TTR: variants seen among roughly 807,000 people sequenced by gnomAD.
TTR encodes the protein epididymis luminal protein 111.
TTR carries 8 observed loss-of-function variants against 13.7 expected under a neutral mutation model. The observed-to-expected ratio is 0.58, with a 90% confidence interval of 0.34 to 1.05. TTR has a LOEUF of 1.05. Among genes scored for constraint, TTR ranks in the 50% least tolerant of loss-of-function variants. The pLI, the probability that TTR is intolerant of heterozygous loss-of-function variation, is 0.02. For missense variants in TTR, 135 were observed against 185.5 expected (o/e 0.73, Z 1.58); for synonymous variants, 75 against 71.7 (o/e 1.05, Z -0.23).
At position 31,598,655 on chromosome 18, in the gene TTR, G is replaced by A. The variant is rs76992529; in HGVS notation, c.424G>A (p.Val142Ile). ...SPYSYSTTAV[V>I]TNPKE ...CTACTCCTATTCCACCACGGCTGTC[G>A]TCACCAATCCCAAGGAATGAGGGAC... Residue 142 changes from valine to isoleucine, a missense_variant, in exon 4 of 4, where the codon GTC (valine) becomes ATC (isoleucine). By Grantham distance (29) the Val-to-Ile change is conservative. Coordinates refer to ENST00000237014, the MANE Select transcript of TTR (RefSeq NM_000371.4). The A allele has an allele frequency of 8.9e-4, 1,433 of 1,614,082 alleles. 8 individuals carry two copies. The African/African-American group carries it at 0.017, about 19-fold the overall frequency.
chr18:31,591,885 C>G lies in TTR; in HGVS notation c.-18C>G. On this transcript the variant is annotated 5_prime_UTR_variant, in exon 1 of 4. Transcript: ENST00000237014. ...GGCTGGGAGCAGCCATCACAGAAGTCCACTCATTCTTGGCAGGATGGCTTC... is the reference window on the plus strand; with the variant it reads ...GGCTGGGAGCAGCCATCACAGAAGTGCACTCATTCTTGGCAGGATGGCTTC... 1 of 1,613,928 alleles carries G rather than the reference C, an allele frequency of 6.2e-7. No homozygotes were observed. Among genetic ancestry groups the G allele is most frequent in the South Asian group, 1.1e-5 (1 of 91,070 alleles).
At chr18:31,592,012 CA>C in intron 1 of TTR, 41 bp downstream of exon 1, 1 of 1,605,204 alleles carries the variant, frequency 6.2e-7, no homozygotes, top group Non-Finnish European at 8.5e-7. Flanking sequence ...ATTTAAGATT[CA>C]CGCTAAATGA....
Position 31,595,051 on chromosome 18 carries a change from G to A in TTR, c.201-69G>A, listed in dbSNP as rs2073509695. 27 of 1,531,578 alleles carry A rather than the reference G, an allele frequency of 1.8e-5. No individual in the cohort carries two copies. In the South Asian group the frequency reaches 2.7e-4, roughly 16 times the overall value. 94.9% of individuals were successfully genotyped at this position (1,531,578 alleles called of 1,614,324 possible). ...ATGTTTATGTGTGTTAGTTGGTGGG[G>A]GTGTATTACTTTGCCATGCCATTTG... On this transcript the variant is annotated intron_variant, in intron 2 of 3. Coordinates refer to ENST00000237014, the MANE Select transcript of TTR (RefSeq NM_000371.4).
chr18:31,595,441 C>T (rs1388513333), intron 3 of TTR, 186 bp downstream of exon 3: 5 of 808,920 alleles, frequency 6.2e-6, no homozygotes, highest in Non-Finnish European at 1.0e-5. Flanking sequence ...TTCTTTTTGA[C>T]TTTGATGAAA....
intron 3 of TTR, chr18:31,595,661 G>A (rs931605278): frequency 2.2e-5 from 8 of 362,788 alleles, no homozygotes; most frequent in South Asian, 8.6e-5. Context: ...CTGGCTTCTC[G>A]GAGGTCTGGA....
intron 3 of TTR, chr18:31,595,649 A>T (rs558979984): frequency 5.6e-6 from 2 of 358,226 alleles, no homozygotes; most frequent in South Asian, 4.4e-5. Context: ...TCCAAAACAC[A>T]TCTGGCTTCT....
At chr18:31,594,999 G>A (rs2073509242) in intron 2 of TTR, 121 bp from the exon 3 acceptor site, 3 of 1,144,100 alleles carry the variant, frequency 2.6e-6, no homozygotes, top group Non-Finnish European at 3.8e-6. Flanking sequence ...CTTAGTTGAG[G>A]GGAAATGTTC....
At position 31,598,592 on chromosome 18, in the gene TTR, G is replaced by A. The variant is rs755337715; in HGVS notation, c.361G>A (p.Gly121Ser). 17 of 1,613,860 alleles carry A rather than the reference G, an allele frequency of 1.1e-5. No individual in the cohort carries two copies. The highest frequency in any genetic ancestry group is 1.0e-4 in the Admixed American group (6 of 60,000). The change falls in exon 4 of 4, where the codon GGC (glycine) becomes AGC (serine). Residue 121 changes from glycine to serine, a missense_variant. By Grantham distance (56) the Gly-to-Ser change is moderately conservative. Transcript: ENST00000237014. ...AEVVFTANDS[G>S]PRRYTIAALL... The stretch of plus-strand genomic sequence containing the variant: ...GGTGGTATTCACAGCCAACGACTCC[G>A]GCCCCCGCCGCTACACCATTGCCGC...
intron 3 of TTR, 156 bp downstream of exon 3, chr18:31,595,411 C>G (rs2073512290): frequency 9.5e-7 from 1 of 1,055,626 alleles, no homozygotes; most frequent in African/African-American, 1.6e-5. Flanking sequence ...AAAAAATTCA[C>G]AACACTCTGA....
At chr18:31,595,385 T>C in intron 3 of TTR, 130 bp downstream of exon 3, 1 of 1,300,668 alleles carries the variant, frequency 7.7e-7, no homozygotes, top group Admixed American at 1.9e-5. Flanking sequence ...AAAGGTTCCC[T>C]TTCCTATTAT....
chr18:31,594,325 G>A (rs187348233), intron 2 of TTR, among the ~76,000 whole-genome samples: 4 of 152,318 alleles, frequency 2.6e-5, no homozygotes, highest in Non-Finnish European at 5.9e-5. Context: ...CTGGCAAAGA[G>A]TTATCAGAGA....
At chr18:31,598,480 C>A in intron 3 of TTR, 88 bp from the exon 4 acceptor site, 1 of 1,228,340 alleles carries the variant, frequency 8.1e-7, no homozygotes, top group Non-Finnish European at 1.2e-6. Context: ...ATTAAGTTGG[C>A]ACTGGACTTC....
intron 3 of TTR, among the ~76,000 whole-genome samples, chr18:31,596,515 GC>G (rs1188619376): frequency 2.6e-5 from 4 of 152,074 alleles, no homozygotes; most frequent in Non-Finnish European, 5.9e-5. Flanking sequence ...TAATAGATCT[GC>G]CTACCTGAGA....
chr18:31,595,303 T>C lies in TTR; in HGVS notation c.336+48T>C, dbSNP rs1314977994. 2.5e-6 allele frequency: 4 copies of C among 1,613,392 alleles called. No individual in the cohort carries two copies. The South Asian group carries it at 3.3e-5, about 13-fold the overall frequency. On this transcript the variant is annotated intron_variant, in intron 3 of 3. Transcript: ENST00000237014. ...GTTGTTTTGGTTTTGGTTTTTGCTT[T>C]TGGCATTCCAGGAAATGCACAGTTT...
intron 2 of TTR, among the ~76,000 whole-genome samples, chr18:31,594,912 T>C (rs746625468): frequency 1.3e-5 from 2 of 151,948 alleles, no homozygotes; most frequent in African/African-American, 4.8e-5. Context: ...GAGAAAAAAA[T>C]CTACAGTGAG....
chr18:31,595,986 G>C, intron 3 of TTR: 1 of 157,286 alleles, frequency 6.4e-6, no homozygotes, highest in South Asian at 1.9e-4. Flanking sequence ...GCTATGCCTC[G>C]CATTATGCCC....
At chr18:31,594,316 T>C (rs2073504440) in intron 2 of TTR, among the ~76,000 whole-genome samples, 1 of 152,224 alleles carries the variant, frequency 6.6e-6, no homozygotes, top group Non-Finnish European at 1.5e-5. Context: ...TGTTTGTTGC[T>C]GGCAAAGAGT....
intron 3 of TTR, among the ~76,000 whole-genome samples, chr18:31,596,770 G>A (rs2073518892): frequency 6.6e-6 from 1 of 152,150 alleles, no homozygotes; most frequent in South Asian, 2.1e-4. Flanking sequence ...GGAAGGGAAA[G>A]GACTGAAGTA....
Position 31,595,391 on chromosome 18 carries a change from A to G in TTR, c.336+136A>G, listed in dbSNP as rs146918944. 54 of 1,251,002 alleles carry G rather than the reference A, an allele frequency of 4.3e-5. No individual in the cohort carries two copies. The African/African-American group carries it at 7.6e-4, about 18-fold the overall frequency. The allele number at this position is 1,251,002 out of a possible 1,614,324, so 77.5% of individuals were successfully genotyped here. ...TGAATGACCAAAGGTTCCCTTTCCT[A>G]TTATACAAGAAAAAATTCACAACAC... On this transcript the variant is annotated intron_variant, in intron 3 of 3. Coordinates refer to ENST00000237014, the MANE Select transcript of TTR (RefSeq NM_000371.4).
Sources: allele counts gnomAD v4.1 joint callset (sites outside exome capture counted in the v4.1 genomes callset), GRCh38; gene constraint gnomAD v4.1.1; transcripts MANE v1.5; gene names NCBI Gene and HGNC (gene_info 2026-07-23, HGNC 2026-07-21).